YWHAE: variants seen among roughly 807,000 people sequenced by gnomAD.
YWHAE encodes the protein 14-3-3 protein epsilon.
In YWHAE, 4 loss-of-function variants were observed where a neutral mutation model predicts 30.1. That is an observed-to-expected ratio of 0.13 (90% CI 0.07 to 0.30). YWHAE has a LOEUF of 0.30. YWHAE is among the 10% of genes least tolerant of loss of function. The pLI, the probability that YWHAE is intolerant of heterozygous loss-of-function variation, is 1.00. For missense variants in YWHAE, 121 were observed against 315.9 expected, an observed-to-expected ratio of 0.38 and a Z score of 4.68; for synonymous variants, 118 against 111.8, an observed-to-expected ratio of 1.06 and a Z score of -0.35.
chr17:1,348,456 A>G (rs778811753), intron 5 of YWHAE, among the ~76,000 whole-genome samples: 6 of 152,218 alleles, frequency 3.9e-5, no homozygotes, highest in Non-Finnish European at 7.3e-5. Context: ...CTAAAATTAA[A>G]AGACATAAAT....
chr17:1,345,776 C>G (rs1041604823), intron 5 of YWHAE, among the ~76,000 whole-genome samples: 3 of 152,114 alleles, frequency 2.0e-5, no homozygotes, highest in African/African-American at 7.2e-5. Flanking sequence ...CGTAGACAGC[C>G]AAGGAAACCA....
At chr17:1,354,671 GTTTGTT>G (rs1487564765) in intron 4 of YWHAE, among the ~76,000 whole-genome samples, 1 of 152,052 alleles carries the variant, frequency 6.6e-6, no homozygotes, top group Non-Finnish European at 1.5e-5. Flanking sequence ...AGTTTTGTTT[GTTTGTT>G]TTTAAGACGG....
chr17:1,350,626 G>C (rs1375432351), intron 5 of YWHAE, among the ~76,000 whole-genome samples: 1 of 151,296 alleles, frequency 6.6e-6, no homozygotes, highest in Non-Finnish European at 1.5e-5. Context: ...ATTTGTAGTA[G>C]AGACGGGGTT....
chr17:1,388,117 GGTTTTTTTTT>G (rs2073333508), intron 1 of YWHAE, among the ~76,000 whole-genome samples: 3 of 65,110 alleles, frequency 4.6e-5, no homozygotes, highest in Non-Finnish European at 7.0e-5. Context: ...TTTTTTGGTT[GGTTTTTTTTT>G]TTTTTTTTTT....
At chr17:1,370,212 C>T (rs1451205499) in intron 1 of YWHAE, among the ~76,000 whole-genome samples, 8 of 149,566 alleles carry the variant, frequency 5.3e-5, no homozygotes, top group Admixed American at 2.0e-4. Flanking sequence ...CTGCAAGCTC[C>T]GCCTCCCAGG....
At chr17:1,368,309 G>A (rs2072977403) in intron 1 of YWHAE, among the ~76,000 whole-genome samples, 1 of 152,056 alleles carries the variant, frequency 6.6e-6, no homozygotes, top group African/African-American at 2.4e-5. Context: ...TCGGGAGGCG[G>A]AGGTTGCACT....
chr17:1,373,765 AC>A (rs2073081562), intron 1 of YWHAE, among the ~76,000 whole-genome samples: 1 of 152,184 alleles, frequency 6.6e-6, no homozygotes, highest in South Asian at 2.1e-4. Flanking sequence ...GCACCAACAG[AC>A]TTGCTCAAAG....
intron 4 of YWHAE, among the ~76,000 whole-genome samples, chr17:1,356,505 G>T (rs910160502): frequency 6.6e-6 from 1 of 152,236 alleles, no homozygotes; most frequent in Non-Finnish European, 1.5e-5. Flanking sequence ...TTAAGCAGAA[G>T]CATGAGCAAA....
Position 1,364,886 on chromosome 17 carries a change from T to C in YWHAE, c.237A>G (p.Leu79=). Residue 79 remains leucine (L), a synonymous_variant, in exon 2 of 6, where the codon CTA becomes CTG. Coordinates refer to ENST00000264335, the MANE Select transcript of YWHAE (RefSeq NM_006761.5). The part of the protein sequence containing the change: ...KEENKGGEDK[L]KMIREYRQMV... ...TTTGCCGATATTCCCGAATCATTTT[T>C]AGCTTGTCTTCTCCTCCCTTGTTTT... 6.2e-7 allele frequency: 1 copy of C among 1,614,094 alleles called. No homozygotes were observed. The highest frequency in any genetic ancestry group is 8.5e-7 in the Non-Finnish European group (1 of 1,179,948).
intron 1 of YWHAE, among the ~76,000 whole-genome samples, chr17:1,380,774 CTCATA>C (rs2073194830): frequency 6.6e-6 from 1 of 152,166 alleles, no homozygotes; most frequent in Admixed American, 6.5e-5. Context: ...ATTCTTACAT[CTCATA>C]TATTTAATCC....
chr17:1,358,318 C>G (rs1313127778), intron 4 of YWHAE, among the ~76,000 whole-genome samples: 1 of 152,088 alleles, frequency 6.6e-6, no homozygotes, highest in African/African-American at 2.4e-5. Context: ...TGGCTCACTG[C>G]AAGTTCCGCC....
chr17:1,371,032 T>C (rs1045819799), intron 1 of YWHAE, among the ~76,000 whole-genome samples: 8 of 152,016 alleles, frequency 5.3e-5, no homozygotes, highest in Non-Finnish European at 1.0e-4. Context: ...TTGCTCTCCT[T>C]ACACAACTAC....
At chr17:1,393,928 T>C (rs1323360829) in intron 1 of YWHAE, among the ~76,000 whole-genome samples, 1 of 152,244 alleles carries the variant, frequency 6.6e-6, no homozygotes, top group East Asian at 1.9e-4. Flanking sequence ...TTTAGGAAAG[T>C]GAAAAGATTT....
chr17:1,368,354 C>T, intron 1 of YWHAE, among the ~76,000 whole-genome samples: 1 of 150,010 alleles, frequency 6.7e-6, no homozygotes, highest in Non-Finnish European at 1.5e-5. Flanking sequence ...CCAGTCTGGG[C>T]AACAAGAGCG....
chr17:1,391,039 C>G (rs117814440), intron 1 of YWHAE, among the ~76,000 whole-genome samples: 1,545 of 151,910 alleles, frequency 0.01, 12 homozygotes, highest in Middle Eastern at 0.017. Flanking sequence ...AGGGAAAGCT[C>G]TGAGCTTAGG....
chr17:1,399,198 T>C (rs1172425462), intron 1 of YWHAE: 1 of 152,116 alleles, frequency 6.6e-6, no homozygotes, highest in African/African-American at 2.4e-5. Context: ...CCTGGTTCTA[T>C]CCATCAGAAC....
chr17:1,356,208 A>ACACACACG (rs2072739946), intron 4 of YWHAE, among the ~76,000 whole-genome samples: 1 of 117,290 alleles, frequency 8.5e-6, no homozygotes, highest in Non-Finnish European at 1.8e-5. Flanking sequence ...ACACACACAC[A>ACACACACG]CACACACAAA....
At chr17:1,345,629 G>C (rs1567950765) in intron 5 of YWHAE, 130 bp from the exon 6 acceptor site, 2 of 903,844 alleles carry the variant, frequency 2.2e-6, no homozygotes, top group African/African-American at 3.3e-5. Context: ...CGCAGGCAAA[G>C]GACTTCTATC....
intron 5 of YWHAE, among the ~76,000 whole-genome samples, chr17:1,353,123 C>T (rs769706739): frequency 3.9e-5 from 6 of 152,100 alleles, no homozygotes; most frequent in Non-Finnish European, 7.4e-5. Flanking sequence ...TACTCTGAAG[C>T]GTTTGCAATG....
Sources: gnomAD v4.1 joint callset for allele counts (sites outside exome capture counted in the v4.1 genomes callset) on GRCh38, gnomAD v4.1.1 for gene constraint, MANE v1.5 for transcripts, NCBI Gene and HGNC (gene_info 2026-07-23, HGNC 2026-07-21) for gene names.